TMEM108: variants seen among roughly 807,000 people sequenced by gnomAD.
The protein encoded by TMEM108 is cancer/testis antigen 124.
A neutral mutation model predicts 35.1 loss-of-function variants in TMEM108; 12 were observed. The ratio of observed to expected loss-of-function variants is 0.34; its 90% confidence interval spans 0.22 to 0.55. The LOEUF (loss-of-function observed/expected upper bound fraction) is 0.55. TMEM108 is among the 20% of genes least tolerant of loss of function. TMEM108 has a pLI of 0.89. For missense variants in TMEM108, 680 were observed against 753.3 expected (o/e 0.90, Z 1.14); for synonymous variants, 287 against 308.6 (o/e 0.93, Z 0.73).
chr3:133,061,582 C>T (rs971817629), intron 2 of TMEM108, among the ~76,000 whole-genome samples: 4 of 152,170 alleles, frequency 2.6e-5, no homozygotes, highest in Non-Finnish European at 5.9e-5. Flanking sequence ...CAAGTGCTTG[C>T]AGCATCGTCT....
At chr3:133,138,598 CA>C (rs1327879599) in intron 2 of TMEM108, among the ~76,000 whole-genome samples, 1 of 151,904 alleles carries the variant, frequency 6.6e-6, no homozygotes, top group Non-Finnish European at 1.5e-5. Flanking sequence ...CCAGGGAAGT[CA>C]AAAGATTGGA....
chr3:133,228,477 C>G (rs1232084614), intron 2 of TMEM108, among the ~76,000 whole-genome samples: 4 of 152,004 alleles, frequency 2.6e-5, no homozygotes, highest in Non-Finnish European at 5.9e-5. Flanking sequence ...TTTCAAAAAG[C>G]CTTAATTTAT....
intron 3 of TMEM108, among the ~76,000 whole-genome samples, chr3:133,359,860 A>G (rs1576498280): frequency 1.3e-5 from 2 of 152,152 alleles, no homozygotes; most frequent in African/African-American, 4.8e-5. Flanking sequence ...AAATGAAAAC[A>G]TGTGTCCTCA....
At chr3:133,098,446 CT>C (rs1250172027) in intron 2 of TMEM108, among the ~76,000 whole-genome samples, 2 of 152,144 alleles carry the variant, frequency 1.3e-5, no homozygotes, top group African/African-American at 4.8e-5. Flanking sequence ...CTTGGCCCCT[CT>C]AAATCTCATG....
chr3:133,271,325 GA>G (rs1372521683), intron 3 of TMEM108, among the ~76,000 whole-genome samples: 3 of 152,130 alleles, frequency 2.0e-5, no homozygotes, highest in Non-Finnish European at 2.9e-5. Flanking sequence ...TGCGGAGTTG[GA>G]AACAACCACA....
chr3:133,214,313 C>T (rs1325036832), intron 2 of TMEM108, among the ~76,000 whole-genome samples: 1 of 152,146 alleles, frequency 6.6e-6, no homozygotes, highest in East Asian at 1.9e-4. Context: ...TCCATGTCCC[C>T]ACCTGTAAAG....
intron 3 of TMEM108, among the ~76,000 whole-genome samples, chr3:133,342,840 G>A (rs1274977438): frequency 6.6e-6 from 1 of 151,084 alleles, no homozygotes; most frequent in Non-Finnish European, 1.5e-5. Context: ...AAGATCTAGT[G>A]TTATTAGCAC....
chr3:133,059,207 T>G (rs1466057011), intron 2 of TMEM108, among the ~76,000 whole-genome samples: 1 of 152,314 alleles, frequency 6.6e-6, no homozygotes, highest in East Asian at 1.9e-4. Flanking sequence ...TGCTTCACAA[T>G]GGGGGTTAGG....
At chr3:133,178,348 C>G (rs1559858506) in intron 2 of TMEM108, among the ~76,000 whole-genome samples, 2 of 152,150 alleles carry the variant, frequency 1.3e-5, no homozygotes, top group Non-Finnish European at 2.9e-5. Flanking sequence ...CCCACATTGC[C>G]ACATCAATCC....
chr3:133,286,475 A>G lies in TMEM108; in HGVS notation c.40+57124A>G, dbSNP rs1213329532. On this transcript the variant is annotated intron_variant, in intron 3 of 5. Coordinates refer to ENST00000321871, the MANE Select transcript of TMEM108 (RefSeq NM_023943.4). ...CAGCCTCCCAAGTAGCCAGGACTAC[A>G]GGCACATGCCATCACACTCAGCTAA... Among the ~76,000 whole-genome samples the G allele has an allele frequency of 2.6e-5, 4 of 152,214 alleles. No homozygotes were observed. In the East Asian group the frequency reaches 7.7e-4, roughly 29 times the overall value.
chr3:133,166,972 C>T (rs907551135), intron 2 of TMEM108, among the ~76,000 whole-genome samples: 4 of 152,174 alleles, frequency 2.6e-5, no homozygotes, highest in East Asian at 1.9e-4. Context: ...TTGATTGGTG[C>T]ATTTACAATC....
At chr3:133,053,646 T>A (rs945952173) in intron 2 of TMEM108, among the ~76,000 whole-genome samples, 5 of 152,168 alleles carry the variant, frequency 3.3e-5, no homozygotes, top group African/African-American at 1.2e-4. Context: ...TCTCAGGGGT[T>A]TTTAGGATGA....
chr3:133,271,564 A>G (rs1946771203), intron 3 of TMEM108, among the ~76,000 whole-genome samples: 2 of 152,202 alleles, frequency 1.3e-5, no homozygotes, highest in African/African-American at 4.8e-5. Context: ...GCTGTTCACG[A>G]GAGAGAAATA....
intron 2 of TMEM108, among the ~76,000 whole-genome samples, chr3:133,094,549 T>C (rs1213672447): frequency 6.6e-6 from 1 of 152,172 alleles, no homozygotes; most frequent in Non-Finnish European, 1.5e-5. Flanking sequence ...AACTTTCTTG[T>C]CTCTTGTCCC....
chr3:133,298,959 A>G (rs1947182445), intron 3 of TMEM108, among the ~76,000 whole-genome samples: 1 of 152,208 alleles, frequency 6.6e-6, no homozygotes, highest in Non-Finnish European at 1.5e-5. Flanking sequence ...TCTGCCTGCC[A>G]CACTTGCTGT....
chr3:133,352,230 A>G (rs1390980546), intron 3 of TMEM108, among the ~76,000 whole-genome samples: 1 of 152,128 alleles, frequency 6.6e-6, no homozygotes, highest in Non-Finnish European at 1.5e-5. Flanking sequence ...AGGGAGTCAT[A>G]ATTCTGAAGA....
At chr3:133,176,673 T>C (rs1945235605) in intron 2 of TMEM108, among the ~76,000 whole-genome samples, 1 of 151,088 alleles carries the variant, frequency 6.6e-6, no homozygotes, top group African/African-American at 2.4e-5. Flanking sequence ...AAGCAGTGTG[T>C]AGAGGGAAAT....
chr3:133,157,877 A>G (rs1396781194), intron 2 of TMEM108, among the ~76,000 whole-genome samples: 1 of 152,200 alleles, frequency 6.6e-6, no homozygotes, highest in Non-Finnish European at 1.5e-5. Context: ...CTGGATAACA[A>G]TTAGCTGAGT....
intron 3 of TMEM108, chr3:133,303,084 G>A (rs190699903): frequency 1.2e-4 from 18 of 152,258 alleles, no homozygotes; most frequent in African/African-American, 3.1e-4. Context: ...TGAGAATAAA[G>A]CTATTCTATG....
Sources: allele counts gnomAD v4.1 joint callset (sites outside exome capture counted in the v4.1 genomes callset), GRCh38; gene constraint gnomAD v4.1.1; transcripts MANE v1.5; gene names NCBI Gene and HGNC (gene_info 2026-07-23, HGNC 2026-07-21).